TBC1D5: variants seen among roughly 807,000 people sequenced by gnomAD.
The protein encoded by TBC1D5 is TBC1 domain family, member 5.
Under a neutral mutation model 100.3 loss-of-function variants are expected in TBC1D5, and 75 were observed. The ratio of observed to expected loss-of-function variants is 0.75; its 90% CI spans 0.62 to 0.91. The LOEUF (loss-of-function observed/expected upper bound fraction) is 0.91. TBC1D5 is among the 40% of genes least tolerant of loss of function. The pLI is 0.00. For missense variants in TBC1D5, 910 were observed against 942.4 expected (o/e 0.97, Z 0.45); for synonymous variants, 323 against 325.6 (o/e 0.99, Z 0.09).
At chr3:17,605,167 A>G (rs910030045) in intron 2 of TBC1D5, among the ~76,000 whole-genome samples, 2 of 152,154 alleles carry the variant, frequency 1.3e-5, no homozygotes, top group African/African-American at 4.8e-5. Context: ...CAACTCATAC[A>G]ATCACCAATC....
chr3:17,528,567 A>C (rs778811355), intron 2 of TBC1D5, among the ~76,000 whole-genome samples: 1 of 152,168 alleles, frequency 6.6e-6, no homozygotes, highest in Non-Finnish European at 1.5e-5. Flanking sequence ...GCACAAATGG[A>C]GTAAGACAAC....
intron 5 of TBC1D5, 66 bp from the exon 6 acceptor site, chr3:17,405,027 A>C: frequency 1.1e-6 from 1 of 931,056 alleles, no homozygotes; most frequent in Non-Finnish European, 1.6e-6. Flanking sequence ...ACTATGCCAA[A>C]CTGAACCACC....
intron 13 of TBC1D5, among the ~76,000 whole-genome samples, chr3:17,344,875 T>C (rs2151499740): frequency 6.6e-6 from 1 of 152,262 alleles, no homozygotes; most frequent in Non-Finnish European, 1.5e-5. Flanking sequence ...TGTAGAAAGC[T>C]GAAACTGGAT....
At chr3:17,729,071 A>G (rs2076352973) in intron 1 of TBC1D5, among the ~76,000 whole-genome samples, 1 of 150,580 alleles carries the variant, frequency 6.6e-6, no homozygotes, top group Non-Finnish European at 1.5e-5. Flanking sequence ...ACAAAGGCTC[A>G]AACAGGCAAT....
chr3:17,573,959 G>A (rs540597779), intron 2 of TBC1D5, among the ~76,000 whole-genome samples: 1 of 151,970 alleles, frequency 6.6e-6, no homozygotes, highest in East Asian at 1.9e-4. Flanking sequence ...CACTGCCACA[G>A]TACGTAAAAA....
intron 2 of TBC1D5, among the ~76,000 whole-genome samples, chr3:17,620,872 G>T (rs371366238): frequency 6.6e-6 from 1 of 152,072 alleles, no homozygotes; most frequent in African/African-American, 2.4e-5. Context: ...CACACTTAAG[G>T]AATAAGAAAG....
At chr3:17,268,871 G>C (rs1019456767) in intron 15 of TBC1D5, among the ~76,000 whole-genome samples, 3 of 151,960 alleles carry the variant, frequency 2.0e-5, no homozygotes, top group Non-Finnish European at 2.9e-5. Context: ...TTTCCTCTTG[G>C]GAAGGTTTAG....
intron 1 of TBC1D5, among the ~76,000 whole-genome samples, chr3:17,726,424 T>C (rs1560565265): frequency 6.6e-6 from 1 of 152,252 alleles, no homozygotes; most frequent in African/African-American, 2.4e-5. Context: ...TGAGATGGTA[T>C]CTCATTGTGG....
At chr3:17,416,079 A>G (rs1204084348) in intron 4 of TBC1D5, among the ~76,000 whole-genome samples, 1 of 152,244 alleles carries the variant, frequency 6.6e-6, no homozygotes, top group East Asian at 1.9e-4. Context: ...TATGACTTAA[A>G]GCATGTTTTC....
intron 19 of TBC1D5, among the ~76,000 whole-genome samples, chr3:17,171,572 C>T (rs934148222): frequency 7.2e-5 from 11 of 152,100 alleles, no homozygotes; most frequent in African/African-American, 2.4e-4. Flanking sequence ...TGCATCGCTC[C>T]AGTCTTCGCA....
At chr3:17,413,636 T>G (rs1057243909) in intron 4 of TBC1D5, among the ~76,000 whole-genome samples, 3 of 152,210 alleles carry the variant, frequency 2.0e-5, no homozygotes, top group Admixed American at 2.0e-4. Context: ...TGAAATACCT[T>G]TATAACCTAC....
At chr3:17,242,167 G>A (rs536464122) in intron 16 of TBC1D5, among the ~76,000 whole-genome samples, 8 of 152,066 alleles carry the variant, frequency 5.3e-5, no homozygotes, top group Non-Finnish European at 8.8e-5. Flanking sequence ...CAATGCCTTC[G>A]TAGTTTCCAG....
At chr3:17,181,709 C>T (rs2068472734) in intron 19 of TBC1D5, among the ~76,000 whole-genome samples, 1 of 152,182 alleles carries the variant, frequency 6.6e-6, no homozygotes, top group African/African-American at 2.4e-5. Flanking sequence ...CACAGATTTT[C>T]AGGGCATGTC....
intron 1 of TBC1D5, among the ~76,000 whole-genome samples, chr3:17,697,280 A>C (rs1259110109): frequency 3.3e-5 from 5 of 152,244 alleles, no homozygotes; most frequent in African/African-American, 1.2e-4. Context: ...CAAAGAAATA[A>C]AAGGTATTTA....
At chr3:17,701,768 A>G (rs7650617) in intron 1 of TBC1D5, among the ~76,000 whole-genome samples, 75,934 of 151,890 alleles carry the variant, frequency 0.5, 20,595 homozygotes, top group East Asian at 0.94. Flanking sequence ...ATGCAGGTAT[A>G]TATGTGGGTA....
intron 1 of TBC1D5, among the ~76,000 whole-genome samples, chr3:17,691,993 A>G (rs1478591485): frequency 2.0e-5 from 3 of 152,232 alleles, no homozygotes; most frequent in Non-Finnish European, 2.9e-5. Flanking sequence ...CAAAATTAAC[A>G]TACAGATTAT....
intron 1 of TBC1D5, among the ~76,000 whole-genome samples, chr3:17,736,595 G>T (rs2076981725): frequency 1.3e-5 from 2 of 152,160 alleles, no homozygotes; most frequent in African/African-American, 4.8e-5. Context: ...CTCCACCAGG[G>T]ATCCAAGGCA....
At chr3:17,422,313 T>C (rs2094227059) in intron 4 of TBC1D5, among the ~76,000 whole-genome samples, 1 of 151,922 alleles carries the variant, frequency 6.6e-6, no homozygotes, top group Non-Finnish European at 1.5e-5. Context: ...GGATTACAGG[T>C]GTGTACCACC....
At chr3:17,717,450 T>G (rs992429180) in intron 1 of TBC1D5, among the ~76,000 whole-genome samples, 1 of 152,158 alleles carries the variant, frequency 6.6e-6, no homozygotes, top group African/African-American at 2.4e-5. Flanking sequence ...CCTCAAAAAG[T>G]TCATTAGTAA....
Sources: gnomAD v4.1 joint callset for allele counts (sites outside exome capture counted in the v4.1 genomes callset) on GRCh38, gnomAD v4.1.1 for gene constraint, MANE v1.5 for transcripts, NCBI Gene and HGNC (gene_info 2026-07-23, HGNC 2026-07-21) for gene names.